Variants in SEMA5A observed in about 807,000 individuals in gnomAD.
SEMA5A encodes semaphorin 5A.
A neutral mutation model predicts 135.5 loss-of-function variants in SEMA5A; 55 were observed. That is an observed-to-expected ratio of 0.41 (90% CI 0.33 to 0.51). The LOEUF (loss-of-function observed/expected upper bound fraction) is 0.51. Among genes scored for constraint, SEMA5A ranks in the 20% least tolerant of loss-of-function variants. The pLI is 0.37. For missense variants in SEMA5A, 1,290 were observed against 1,419.9 expected (o/e 0.91, Z 1.47); for synonymous variants, 580 against 546.5 (o/e 1.06, Z -0.85).
chr5:9,106,270 T>G (rs1552004), intron 16 of SEMA5A, among the ~76,000 whole-genome samples: 17,656 of 152,226 alleles, frequency 0.12, 1,580 homozygotes, highest in East Asian at 0.32. Flanking sequence ...TACATTTGTT[T>G]CATAAACTGT....
rs944150732 is a variant in SEMA5A at position 9,540,169 on chromosome 5, G to A, written c.-175+5415C>T. Among the ~76,000 whole-genome samples, 2 of 152,160 alleles carry A rather than the reference G, an allele frequency of 1.3e-5. 1 individual carries two copies. The highest frequency in any genetic ancestry group is 4.1e-4 in the South Asian group (2 of 4,826). ...GGCCCGAGAGCCTCCTGCGTGCCAGGCACTGTTCTAGGCAGCGTGGGCAAC... is the reference window on the plus strand; with the variant it reads ...GGCCCGAGAGCCTCCTGCGTGCCAGACACTGTTCTAGGCAGCGTGGGCAAC... On this transcript the variant is annotated intron_variant, in intron 1 of 22. Transcript: ENST00000382496.
intron 5 of SEMA5A, among the ~76,000 whole-genome samples, chr5:9,276,715 G>A (rs993249529): frequency 6.6e-6 from 1 of 152,164 alleles, no homozygotes; most frequent in Non-Finnish European, 1.5e-5. Flanking sequence ...ATGGGGAAAG[G>A]ATTCCCTCTT....
At chr5:9,187,762 A>G (rs1452026099) in intron 11 of SEMA5A, among the ~76,000 whole-genome samples, 1 of 152,226 alleles carries the variant, frequency 6.6e-6, no homozygotes, top group African/African-American at 2.4e-5. Context: ...ATCTCTGCGA[A>G]ATGCATTTGC....
chr5:9,363,983 T>C (rs1281807253), intron 3 of SEMA5A, among the ~76,000 whole-genome samples: 2 of 152,174 alleles, frequency 1.3e-5, no homozygotes, highest in Non-Finnish European at 2.9e-5. Context: ...CATTAGCTCC[T>C]TTAAAAAATG....
At chr5:9,341,428 C>A (rs968439405) in intron 3 of SEMA5A, among the ~76,000 whole-genome samples, 1 of 151,758 alleles carries the variant, frequency 6.6e-6, no homozygotes, top group Non-Finnish European at 1.5e-5. Context: ...GAGTTCAGGG[C>A]AATTGGTCAC....
intron 16 of SEMA5A, among the ~76,000 whole-genome samples, chr5:9,082,205 G>A (rs1738425022): frequency 1.3e-5 from 2 of 152,182 alleles, no homozygotes; most frequent in Non-Finnish European, 2.9e-5. Context: ...CATCCCTACT[G>A]TTTTGAAATT....
chr5:9,332,832 C>T (rs1374342976), intron 4 of SEMA5A, among the ~76,000 whole-genome samples: 1 of 152,214 alleles, frequency 6.6e-6, no homozygotes, highest in Non-Finnish European at 1.5e-5. Flanking sequence ...TTTCCAAGGA[C>T]ATAAATCATT....
chr5:9,157,526 C>T (rs1017843500), intron 11 of SEMA5A, among the ~76,000 whole-genome samples: 9 of 152,156 alleles, frequency 5.9e-5, no homozygotes, highest in African/African-American at 1.2e-4. Context: ...CACAGCTCAC[C>T]TAGTTCTCGT....
intron 15 of SEMA5A, among the ~76,000 whole-genome samples, chr5:9,112,311 A>G (rs1358217613): frequency 1.3e-5 from 2 of 152,214 alleles, no homozygotes; most frequent in Non-Finnish European, 2.9e-5. Flanking sequence ...TCAGCACTAT[A>G]TCATGCAATA....
Position 9,488,963 on chromosome 5 carries a change from T to A in SEMA5A, c.-174-51111A>T, listed in dbSNP as rs1232275363. Among the ~76,000 whole-genome samples the A allele has an allele frequency of 2.0e-5, 3 of 152,200 alleles. No homozygotes were observed. In the East Asian group the frequency reaches 5.8e-4, roughly 29 times the overall value. On this transcript the variant is annotated intron_variant, in intron 1 of 22. Transcript: ENST00000382496. ...TTTGACATGTTCAATGGTTGGTTGGTTTGATTGGTTTCATTTCTGGCTATT... is the reference window on the plus strand; with the variant it reads ...TTTGACATGTTCAATGGTTGGTTGGATTGATTGGTTTCATTTCTGGCTATT...
intron 22 of SEMA5A, chr5:9,043,365 A>ATAAC (rs1222117665): frequency 9.6e-6 from 2 of 207,524 alleles, no homozygotes; most frequent in South Asian, 9.3e-5. Context: ...CTGAATATAT[A>ATAAC]TAACTAAATT....
intron 21 of SEMA5A, 149 bp from the exon 22 acceptor site, chr5:9,044,733 T>C (rs1036560851): frequency 2.8e-5 from 18 of 643,214 alleles, no homozygotes; most frequent in Non-Finnish European, 4.0e-5. Flanking sequence ...GAGTCTTTCA[T>C]TGGAAATGTC....
intron 11 of SEMA5A, among the ~76,000 whole-genome samples, chr5:9,159,848 T>C (rs1427930685): frequency 6.6e-6 from 1 of 152,138 alleles, no homozygotes; most frequent in South Asian, 2.1e-4. Flanking sequence ...GTGGTACATA[T>C]ACACCATGGA....
chr5:9,220,366 GA>G (rs1746868589), intron 8 of SEMA5A, among the ~76,000 whole-genome samples: 2 of 150,912 alleles, frequency 1.3e-5, no homozygotes, highest in South Asian at 4.2e-4. Context: ...AGAAAACTAA[GA>G]AAAAACAACA....
chr5:9,201,872 T>G, intron 9 of SEMA5A, 83 bp downstream of exon 9: 2 of 1,364,810 alleles, frequency 1.5e-6, no homozygotes, highest in Non-Finnish European at 2.0e-6. Flanking sequence ...TAAAGTAAAT[T>G]TAAAACCTCA....
chr5:9,184,930 T>A lies in SEMA5A; in HGVS notation c.1273+5337A>T, dbSNP rs377386791. 1.6e-4 allele frequency among the ~76,000 whole-genome samples: 24 copies of A among 151,192 alleles called. 2 individuals carry two copies. The East Asian group carries it at 3.3e-3, about 21-fold the overall frequency. On this transcript the variant is annotated intron_variant, in intron 11 of 22. Coordinates refer to ENST00000382496, the MANE Select transcript of SEMA5A (RefSeq NM_003966.3). ...TTGTTGAAGGTCTTGAGCCTTCATA[T>A]TTTTTTTTCCTTTTTGAGACAGCAT...
chr5:9,298,645 G>A (rs1229506058), intron 5 of SEMA5A, among the ~76,000 whole-genome samples: 2 of 152,032 alleles, frequency 1.3e-5, no homozygotes, highest in Admixed American at 6.6e-5. Context: ...GTACTGATTG[G>A]TTCAATTGTT....
At chr5:9,310,480 A>G (rs1211624910) in intron 5 of SEMA5A, among the ~76,000 whole-genome samples, 3 of 152,122 alleles carry the variant, frequency 2.0e-5, no homozygotes, top group Non-Finnish European at 2.9e-5. Context: ...CAGAATCATG[A>G]TTTTTGAGAG....
At chr5:9,502,302 C>A (rs1735640615) in intron 1 of SEMA5A, among the ~76,000 whole-genome samples, 1 of 152,074 alleles carries the variant, frequency 6.6e-6, no homozygotes, top group African/African-American at 2.4e-5. Flanking sequence ...GCAGAAGCAG[C>A]CAACTATTTG....
Sources: gnomAD v4.1 joint callset for allele counts (sites outside exome capture counted in the v4.1 genomes callset) on GRCh38, gnomAD v4.1.1 for gene constraint, MANE v1.5 for transcripts, NCBI Gene and HGNC (gene_info 2026-07-23, HGNC 2026-07-21) for gene names.